ZNF578: variants seen among roughly 807,000 people sequenced by gnomAD.
ZNF578 encodes the protein Putative chemokine-related protein B42.
ZNF578 carries 8 observed loss-of-function variants against 8.3 expected under a neutral mutation model. The ratio of observed to expected loss-of-function variants is 0.96; its 90% CI spans 0.56 to 1.74. The LOEUF is 1.74. Among genes scored for constraint, ZNF578 ranks in the 40% most tolerant of loss-of-function variants. The probability of loss-of-function intolerance (pLI) is 0.00; values close to 1 mark genes in which losing one functional copy is unlikely to be tolerated. For missense variants in ZNF578, 726 were observed against 707.5 expected (o/e 1.03, Z -0.30); for synonymous variants, 206 against 232.2 (o/e 0.89, Z 1.03).
chr19:52,476,634 G>A (rs565584062), intron 2 of ZNF578, among the ~76,000 whole-genome samples: 1 of 152,324 alleles, frequency 6.6e-6, no homozygotes, highest in African/African-American at 2.4e-5. Flanking sequence ...CATGCCGTAA[G>A]TCTCAGCCCC....
intron 3 of ZNF578, among the ~76,000 whole-genome samples, chr19:52,496,311 C>T (rs771838486): frequency 6.6e-5 from 9 of 136,634 alleles, no homozygotes; most frequent in African/African-American, 2.3e-4. Context: ...CCACCACGCT[C>T]GGCCTCATTT....
At chr19:52,488,500 T>G (rs34020777) in intron 2 of ZNF578, among the ~76,000 whole-genome samples, 13,463 of 151,882 alleles carry the variant, frequency 0.089, 776 homozygotes, top group Middle Eastern at 0.17. Flanking sequence ...TCCCAGCTAC[T>G]CAGGAGGCTG....
chr19:52,460,531 T>A (rs192787093), intron 2 of ZNF578, among the ~76,000 whole-genome samples: 2 of 152,334 alleles, frequency 1.3e-5, no homozygotes, highest in East Asian at 3.9e-4. Context: ...TAGAAGTTAC[T>A]TGATAATCTA....
intron 2 of ZNF578, among the ~76,000 whole-genome samples, chr19:52,462,309 G>A (rs974314684): frequency 2.6e-5 from 4 of 152,150 alleles, no homozygotes; most frequent in African/African-American, 4.8e-5. Context: ...TTAGGCAACC[G>A]ATAGCTGGCC....
chr19:52,477,648 T>A (rs969238847), intron 2 of ZNF578, among the ~76,000 whole-genome samples: 1 of 152,156 alleles, frequency 6.6e-6, no homozygotes, highest in Non-Finnish European at 1.5e-5. Flanking sequence ...TTTTTAGACT[T>A]ATCAACTGCC....
intron 2 of ZNF578, among the ~76,000 whole-genome samples, chr19:52,472,988 C>T (rs2059296822): frequency 6.6e-6 from 1 of 152,074 alleles, no homozygotes; most frequent in South Asian, 2.1e-4. Context: ...ATAAGAGAAC[C>T]AGAGACTGAG....
chr19:52,507,110 G>C (rs1422315086), intron 5 of ZNF578, among the ~76,000 whole-genome samples: 1 of 152,114 alleles, frequency 6.6e-6, no homozygotes, highest in Non-Finnish European at 1.5e-5. Flanking sequence ...AAAACTGGAT[G>C]GTCGTGATGG....
chr19:52,505,232 C>G (rs1162291780), intron 5 of ZNF578, among the ~76,000 whole-genome samples: 2 of 151,948 alleles, frequency 1.3e-5, no homozygotes, highest in Non-Finnish European at 2.9e-5. Flanking sequence ...CTCACTGGCA[C>G]TGTGACAATG....
chr19:52,473,914 C>T (rs1258117696), intron 2 of ZNF578: 2 of 309,876 alleles, frequency 6.5e-6, no homozygotes, highest in Non-Finnish European at 1.3e-5. Context: ...GTTTCTCTTC[C>T]ATATGAATTA....
intron 2 of ZNF578, among the ~76,000 whole-genome samples, chr19:52,483,088 T>C (rs1317079943): frequency 6.6e-6 from 1 of 151,390 alleles, no homozygotes; most frequent in Non-Finnish European, 1.5e-5. Context: ...GAAAAAGAAA[T>C]AGCAATCAGC....
At position 52,513,746 on chromosome 19, in the gene ZNF578, AG is replaced by A. The variant is rs1418777647; in HGVS notation, c.*1593del. On this transcript the variant is annotated 3_prime_UTR_variant, in exon 6 of 6. Coordinates refer to ENST00000421239, the MANE Select transcript of ZNF578 (RefSeq NM_001099694.2). ...GTCTGTCTCAAAAAAAAAAAAAAAA[AG>A]ATATCAAACCCGGGGTGTCTCATCC... is the stretch of plus-strand genomic sequence containing the variant. Among the ~76,000 whole-genome samples the A allele has an allele frequency of 1.3e-5, 2 of 150,734 alleles. No individual in the cohort carries two copies. The highest frequency in any genetic ancestry group is 3.0e-5 in the Non-Finnish European group (2 of 67,642).
intron 2 of ZNF578, among the ~76,000 whole-genome samples, chr19:52,479,706 A>G (rs1253332508): frequency 6.6e-6 from 1 of 152,204 alleles, no homozygotes; most frequent in African/African-American, 2.4e-5. Flanking sequence ...GATCTAAATA[A>G]AGATATTTGA....
intron 2 of ZNF578, among the ~76,000 whole-genome samples, chr19:52,461,966 A>G (rs2059259536): frequency 2.6e-5 from 4 of 152,206 alleles, no homozygotes; most frequent in Admixed American, 2.6e-4. Context: ...TCTCTTTGAT[A>G]GTATAGATCC....
At chr19:52,459,986 C>T (rs941229849) in intron 2 of ZNF578, among the ~76,000 whole-genome samples, 54 of 149,768 alleles carry the variant, frequency 3.6e-4, no homozygotes, top group Admixed American at 2.3e-3. Context: ...AGGATGGTCT[C>T]AATCTGTTGA....
intron 2 of ZNF578, among the ~76,000 whole-genome samples, chr19:52,466,796 C>G (rs1279584679): frequency 6.6e-6 from 1 of 152,166 alleles, no homozygotes; most frequent in Non-Finnish European, 1.5e-5. Flanking sequence ...ATATTTAACA[C>G]TTGAAATTAT....
At chr19:52,458,483 T>TATATATATATATATATA (rs1555751157) in intron 2 of ZNF578, 5 of 144,834 alleles carry the variant, frequency 3.5e-5, no homozygotes, top group Admixed American at 1.4e-4. Flanking sequence ...TATATATATA[T>TATATATATATATATATA]TTTGAAAATC....
At chr19:52,492,156 TCAAA>T (rs1327761024) in intron 3 of ZNF578, among the ~76,000 whole-genome samples, 5 of 36,452 alleles carry the variant, frequency 1.4e-4, no homozygotes, top group Admixed American at 4.8e-4. Context: ...AGATTCTGTC[TCAAA>T]AAAAAAAAAA....
intron 2 of ZNF578, among the ~76,000 whole-genome samples, chr19:52,479,539 T>A (rs1246620827): frequency 4.0e-5 from 4 of 99,630 alleles, no homozygotes; most frequent in South Asian, 4.1e-4. Context: ...CGAGACTCCA[T>A]CTCAAAAAAA....
At chr19:52,494,814 A>G (rs2059379953) in intron 3 of ZNF578, among the ~76,000 whole-genome samples, 1 of 152,054 alleles carries the variant, frequency 6.6e-6, no homozygotes, top group African/African-American at 2.4e-5. Flanking sequence ...ACTTTCTGTT[A>G]TTATGTAATA....
Sources: gnomAD v4.1 joint callset for allele counts (sites outside exome capture counted in the v4.1 genomes callset) on GRCh38, gnomAD v4.1.1 for gene constraint, MANE v1.5 for transcripts, NCBI Gene and HGNC (gene_info 2026-07-23, HGNC 2026-07-21) for gene names.